HTR7: variants seen among roughly 807,000 people sequenced by gnomAD.
HTR7 encodes 5-HT-7.
In HTR7, 16 loss-of-function variants were observed where a neutral mutation model predicts 34.0. The ratio of observed to expected loss-of-function variants is 0.47; its 90% CI spans 0.32 to 0.71. The LOEUF (loss-of-function observed/expected upper bound fraction) is 0.71, where lower values mean the gene tolerates loss of function less well. Among genes scored for constraint, HTR7 ranks in the 30% least tolerant of loss-of-function variants. The probability of loss-of-function intolerance (pLI) is 0.04; values close to 1 mark genes in which losing one functional copy is unlikely to be tolerated. For missense variants in HTR7, 504 were observed against 625.5 expected (o/e 0.81, Z 2.07); for synonymous variants, 265 against 260.2 (o/e 1.02, Z -0.18).
At chr10:90,804,491 C>T (rs1200431423) in intron 1 of HTR7, among the ~76,000 whole-genome samples, 1 of 152,112 alleles carries the variant, frequency 6.6e-6, no homozygotes, top group Non-Finnish European at 1.5e-5. Flanking sequence ...CCTGCCAGCG[C>T]CTAAAGGCAC....
intron 1 of HTR7, among the ~76,000 whole-genome samples, chr10:90,763,835 T>G (rs1345705953): frequency 6.6e-6 from 1 of 152,248 alleles, no homozygotes; most frequent in Non-Finnish European, 1.5e-5. Context: ...ATGGTGTATA[T>G]GTACCACGTT....
chr10:90,772,897 T>C (rs1015895742), intron 1 of HTR7, among the ~76,000 whole-genome samples: 3 of 152,198 alleles, frequency 2.0e-5, no homozygotes, highest in African/African-American at 7.2e-5. Context: ...ATTTTACAAA[T>C]GAGGAAACTG....
intron 1 of HTR7, among the ~76,000 whole-genome samples, chr10:90,855,583 A>T (rs1374906032): frequency 6.6e-6 from 1 of 152,210 alleles, no homozygotes; most frequent in East Asian, 1.9e-4. Flanking sequence ...GAGCAGTCAG[A>T]TTTCTGTGCT....
At position 90,768,417 on chromosome 10, in the gene HTR7, C is replaced by T. The variant is rs562135366; in HGVS notation, c.540-18823G>A. The stretch of plus-strand genomic sequence containing the variant: ...ATAAGGCATATATTGAGAAACCTTG[C>T]TTCAAATTCTGTTTCCATCCTCTTC... On this transcript the variant is annotated intron_variant, in intron 1 of 3. Coordinates refer to ENST00000336152, the MANE Select transcript of HTR7 (RefSeq NM_019859.4). Among the ~76,000 whole-genome samples, 10 of 152,254 alleles carry T rather than the reference C, an allele frequency of 6.6e-5. No homozygotes were observed. The South Asian group carries it at 2.1e-3, about 32-fold the overall frequency.
intron 1 of HTR7, among the ~76,000 whole-genome samples, chr10:90,795,406 C>T (rs1228087342): frequency 1.3e-5 from 2 of 152,152 alleles, no homozygotes; most frequent in East Asian, 3.9e-4. Context: ...ATGTCCACCA[C>T]CACTTTCTAA....
At chr10:90,828,244 G>A (rs951295177) in intron 1 of HTR7, among the ~76,000 whole-genome samples, 3 of 152,126 alleles carry the variant, frequency 2.0e-5, no homozygotes, top group Admixed American at 1.3e-4. Flanking sequence ...AGTTATAAGT[G>A]CCTACATAAA....
At chr10:90,755,179 T>C (rs1294371807) in intron 1 of HTR7, among the ~76,000 whole-genome samples, 2 of 152,214 alleles carry the variant, frequency 1.3e-5, no homozygotes, top group Non-Finnish European at 2.9e-5. Flanking sequence ...TTACTGTATA[T>C]TTCATCTGAA....
At chr10:90,828,893 A>T (rs572124283) in intron 1 of HTR7, among the ~76,000 whole-genome samples, 29 of 152,226 alleles carry the variant, frequency 1.9e-4, no homozygotes, top group African/African-American at 6.5e-4. Context: ...AAAACTAGAT[A>T]GGATGTAGAA....
intron 1 of HTR7, among the ~76,000 whole-genome samples, chr10:90,845,146 T>C (rs1348830592): frequency 6.6e-6 from 1 of 152,276 alleles, no homozygotes; most frequent in East Asian, 1.9e-4. Flanking sequence ...GATACTCAAA[T>C]GTCTAGCAAA....
At chr10:90,843,920 T>C (rs1212922753) in intron 1 of HTR7, among the ~76,000 whole-genome samples, 1 of 152,260 alleles carries the variant, frequency 6.6e-6, no homozygotes, top group African/African-American at 2.4e-5. Context: ...GTTAAAATTA[T>C]ATCAAATTCA....
intron 1 of HTR7, among the ~76,000 whole-genome samples, chr10:90,808,894 G>C (rs1845750622): frequency 6.6e-6 from 1 of 152,186 alleles, no homozygotes. Flanking sequence ...CATCCTACAA[G>C]ATATAAATAA....
At chr10:90,841,388 T>C (rs1846327509) in intron 1 of HTR7, among the ~76,000 whole-genome samples, 1 of 152,198 alleles carries the variant, frequency 6.6e-6, no homozygotes, top group Non-Finnish European at 1.5e-5. Flanking sequence ...TATCCCGCAG[T>C]TCTGTAGGTC....
In HTR7 at chr10:90,749,771, C is replaced by A. The variant is rs78624226; in HGVS notation, c.540-177G>T. On this transcript the variant is annotated intron_variant, in intron 1 of 3. Transcript: ENST00000336152. The surrounding 1 kb of genome is among the most constrained non-coding windows in gnomAD (Gnocchi z 4.2). ...CTCTGAGATGTTACCTATTTTATTC[C>A]GGGTCACACAGAGGCATTGCCAGAT... Among the ~76,000 whole-genome samples the A allele has an allele frequency of 6.6e-6, 1 of 152,134 alleles. No homozygotes were observed. Among genetic ancestry groups the A allele is most frequent in the South Asian group, 2.1e-4 (1 of 4,834 alleles).
At chr10:90,799,209 C>G (rs1845586411) in intron 1 of HTR7, among the ~76,000 whole-genome samples, 1 of 152,138 alleles carries the variant, frequency 6.6e-6, no homozygotes, top group Non-Finnish European at 1.5e-5. Flanking sequence ...CCCAACCAAT[C>G]AGACCTCCTT....
chr10:90,794,968 C>T (rs1378489681), intron 1 of HTR7, among the ~76,000 whole-genome samples: 1 of 152,210 alleles, frequency 6.6e-6, no homozygotes, highest in African/African-American at 2.4e-5. Flanking sequence ...TCTTATGGAA[C>T]CACTGTTATA....
chr10:90,808,748 T>C (rs1053242808), intron 1 of HTR7, among the ~76,000 whole-genome samples: 10 of 152,090 alleles, frequency 6.6e-5, no homozygotes, highest in Non-Finnish European at 1.3e-4. Context: ...GCCTGTGTTC[T>C]CAAAAACTTA....
chr10:90,778,586 A>C (rs1178845403), intron 1 of HTR7, among the ~76,000 whole-genome samples: 2 of 152,214 alleles, frequency 1.3e-5, no homozygotes, highest in Non-Finnish European at 2.9e-5. Context: ...AACAACAGAA[A>C]ATAAGCTAAG....
At chr10:90,839,362 C>A (rs1207464441) in intron 1 of HTR7, among the ~76,000 whole-genome samples, 1 of 152,164 alleles carries the variant, frequency 6.6e-6, no homozygotes, top group Non-Finnish European at 1.5e-5. Context: ...TGGATTGGAG[C>A]ATGCCTTTTA....
intron 1 of HTR7, among the ~76,000 whole-genome samples, chr10:90,801,375 A>G (rs1845623710): frequency 6.6e-6 from 1 of 152,194 alleles, no homozygotes; most frequent in South Asian, 2.1e-4. Context: ...CTAAAACTCC[A>G]TAGTTGCAGA....
Sources: allele counts gnomAD v4.1 joint callset (sites outside exome capture counted in the v4.1 genomes callset), GRCh38; gene constraint gnomAD v4.1.1; non-coding constraint Gnocchi (gnomAD v3.1); transcripts MANE v1.5; gene names NCBI Gene and HGNC (gene_info 2026-07-23, HGNC 2026-07-21).